The following MCM4 variants were observed in gnomAD, a reference collection of about 807,000 sequenced individuals.
MCM4 encodes the protein minichromosome maintenance complex component 4.
In MCM4, 60 loss-of-function variants were observed where a neutral mutation model predicts 88.7. The ratio of observed to expected loss-of-function variants is 0.68; its 90% CI spans 0.55 to 0.84. The LOEUF (loss-of-function observed/expected upper bound fraction) is 0.84. Ranked by LOEUF, MCM4 falls within the 40% of genes least tolerant of loss-of-function variation. The probability of loss-of-function intolerance (pLI) is 0.00; values close to 1 mark genes in which losing one functional copy is unlikely to be tolerated. For synonymous variants in MCM4, 465 were observed against 410.5 expected, an observed-to-expected ratio of 1.13 and a Z score of -1.61; for missense variants, 1,149 against 1,105.5, an observed-to-expected ratio of 1.04 and a Z score of -0.56.
In MCM4 at chr8:47,975,734, T is replaced by TG; in HGVS notation, c.2385_2386insG (p.Lys796GlufsTer8). ...AATCAGGGATGAGTGCCACCTCTCGTAAACGGAAAGAAGAATTAGCTGAAG... is the reference window on the plus strand; with the variant it reads ...AATCAGGGATGAGTGCCACCTCTCGTGAAACGGAAAGAAGAATTAGCTGAAG... On this transcript the variant is annotated frameshift_variant, in exon 16 of 17. Transcript: ENST00000649973. LOFTEE classifies it high-confidence loss of function. 6.3e-7 allele frequency: 1 copy of TG among 1,575,490 alleles called. No homozygotes were observed. The highest frequency in any genetic ancestry group is 8.6e-7 in the Non-Finnish European group (1 of 1,167,358).
chr8:47,970,914 A>C, intron 12 of MCM4, 38 bp downstream of exon 12: 1 of 1,546,492 alleles, frequency 6.5e-7, no homozygotes, highest in South Asian at 1.2e-5. Context: ...GGACGTGTTT[A>C]AAATATGTGG....
intron 4 of MCM4, 42 bp downstream of exon 4, chr8:47,962,258 A>G (rs2090850579): frequency 1.2e-6 from 2 of 1,613,156 alleles, no homozygotes; most frequent in African/African-American, 2.7e-5. Context: ...GGCGGGTATC[A>G]TGTGGGTAAC....
chr8:47,968,208 G>A lies in MCM4; in HGVS notation c.1174+723G>A, dbSNP rs567093446. ...CTTCATTGATGGGCAAGGTGGCGAC[G>A]GTCGCGGAGTGCCTGAATCTGCTCC... On this transcript the variant is annotated intron_variant, in intron 10 of 16. Transcript: ENST00000649973. Among the ~76,000 whole-genome samples, 15 of 152,244 alleles carry A rather than the reference G, an allele frequency of 9.9e-5. No individual in the cohort carries two copies. The South Asian group carries it at 1.7e-3, about 17-fold the overall frequency.
chr8:47,976,295 A>G (rs919380116), intron 16 of MCM4, among the ~76,000 whole-genome samples: 6 of 150,632 alleles, frequency 4.0e-5, no homozygotes, highest in Non-Finnish European at 7.4e-5. Context: ...TCCATCTCAA[A>G]AAAAAAAAAA....
chr8:47,961,699 T>C lies in MCM4; in HGVS notation c.235+19T>C. 6.3e-7 allele frequency: 1 copy of C among 1,591,448 alleles called. No individual in the cohort carries two copies. Among genetic ancestry groups the C allele is most frequent in the Non-Finnish European group, 8.6e-7 (1 of 1,167,484 alleles). On this transcript the variant is annotated intron_variant, in intron 3 of 16. Coordinates refer to ENST00000649973, the MANE Select transcript of MCM4 (RefSeq NM_182746.3). ...TCTTCAGGTGCGTGTCTGAAGATCT[T>C]GGTTTTGCTGTGCTTGATACACAGC...
chr8:47,977,915 G>A lies in MCM4; in HGVS notation c.*1137G>A, dbSNP rs1054056643. The A allele has an allele frequency of 6.6e-6, 1 of 152,152 alleles. No homozygotes were observed. Among genetic ancestry groups the A allele is most frequent in the African/African-American group, 2.4e-5 (1 of 41,442 alleles). 9.4% of individuals were successfully genotyped at this position (152,152 alleles called of 1,614,324 possible). ...ACATAAAACTTTTTCCTAAATAAAT[G>A]ATGGAAGGAATAATACTTGGTTACC... On this transcript the variant is annotated 3_prime_UTR_variant, in exon 17 of 17. Transcript: ENST00000649973.
chr8:47,960,989 C>T lies in MCM4; in HGVS notation c.-40C>T, dbSNP rs1179608691. ...AGGTGGACTCGGAGTCCGCGAGCGTCGTCGGCAAGCGGCCGCCTTTCCACG... is the reference window on the plus strand; with the variant it reads ...AGGTGGACTCGGAGTCCGCGAGCGTTGTCGGCAAGCGGCCGCCTTTCCACG... On this transcript the variant is annotated 5_prime_UTR_variant, in exon 1 of 17. Transcript: ENST00000649973. 8.3e-6 allele frequency: 6 copies of T among 719,438 alleles called. No homozygotes were observed. The highest frequency in any genetic ancestry group is 5.7e-5 in the African/African-American group (3 of 52,906). The allele number at this position is 719,438 out of a possible 1,614,324, so 44.6% of individuals were successfully genotyped here. A position where few individuals can be genotyped will look rare whatever the true frequency, so the allele number is the denominator to read the frequency against.
At chr8:47,961,106 G>A in intron 1 of MCM4, 25 bp from the exon 2 acceptor site, 1 of 1,527,530 alleles carries the variant, frequency 6.5e-7, no homozygotes, top group South Asian at 1.2e-5. Flanking sequence ...GGCGGGCCCG[G>A]CCCGAGCTTG....
chr8:47,965,727 T>C (rs1256161666), intron 8 of MCM4, among the ~76,000 whole-genome samples: 3 of 152,154 alleles, frequency 2.0e-5, no homozygotes, highest in Non-Finnish European at 4.4e-5. Context: ...CTTTAAAGTA[T>C]AGAGGACTTT....
Position 47,961,185 on chromosome 8 carries a change from G to T in MCM4, c.41G>T (p.Arg14Leu). The change falls in exon 2 of 17, where the codon CGG becomes CTG. Residue 14 changes from arginine (R) to leucine (L), a missense_variant. Physicochemically the swap from Arg to Leu is moderately radical, Grantham distance 102. Around this residue, in one of 3 missense-constraint regions of MCM4, gnomAD observed 906 missense variants for 843.0 expected, o/e 1.07. Transcript: ENST00000649973. ...PASTPSRRGS[R>L]RGRATPAQTP... ...TCGACCCCGAGCCGCCGCGGCAGCC[G>T]GCGTGGAAGGGCCACCCCCGCCCAG... 6.5e-7 allele frequency: 1 copy of T among 1,544,124 alleles called. No individual in the cohort carries two copies. Among genetic ancestry groups the T allele is most frequent in the East Asian group, 2.6e-5 (1 of 38,730 alleles).
At chr8:47,970,150 T>A (rs1436721965) in intron 11 of MCM4, 93 bp downstream of exon 11, 3 of 1,426,308 alleles carry the variant, frequency 2.1e-6, no homozygotes, top group Non-Finnish European at 2.9e-6. Flanking sequence ...CCATCCGCCA[T>A]AAAGGACAGA....
In MCM4 at chr8:47,974,958, T is replaced by C. The variant is rs1249668562; in HGVS notation, c.2361T>C (p.Thr787=). 1 of 1,606,618 alleles carries C rather than the reference T, an allele frequency of 6.2e-7. No homozygotes were observed. Among genetic ancestry groups the C allele is most frequent in the African/African-American group, 1.3e-5 (1 of 74,716 alleles). Residue 787 remains threonine (T), a synonymous_variant, in exon 15 of 17, where the codon ACT becomes ACC. Transcript: ENST00000649973. ...RTGIVDISIL[T]TGMSATSRKR... ...GCATCGTGGACATATCTATTCTTACTACGGGTTCGTTATTTTCAGTGAACA... is the reference window on the plus strand; with the variant it reads ...GCATCGTGGACATATCTATTCTTACCACGGGTTCGTTATTTTCAGTGAACA...
In MCM4 at chr8:47,970,518, T is replaced by G. The variant is rs1410815304; in HGVS notation, c.1442T>G (p.Leu481Trp). 1 of 1,596,372 alleles carries G rather than the reference T, an allele frequency of 6.3e-7. No homozygotes were observed. The highest frequency in any genetic ancestry group is 8.6e-7 in the Non-Finnish European group (1 of 1,167,132). Residue 481 changes from leucine (L) to tryptophan (W), a missense_variant, in exon 12 of 17, where the codon TTG becomes TGG. Physicochemically the swap from Leu to Trp is moderately conservative, Grantham distance 61 (BLOSUM62 -2). This residue lies in a region of MCM4 where 906 missense variants were observed against 843.0 expected (regional missense o/e 1.07). Transcript: ENST00000649973. Reference protein sequence around the residue: ...YEHEDIKKGILLQLFGGTRKD... With the variant: ...YEHEDIKKGIWLQLFGGTRKD... ...ATGTCTCTGATTATTTAGGGAATTTTGCTTCAGCTCTTTGGCGGGACAAGG... is the reference window on the plus strand; with the variant it reads ...ATGTCTCTGATTATTTAGGGAATTTGGCTTCAGCTCTTTGGCGGGACAAGG...
intron 10 of MCM4, among the ~76,000 whole-genome samples, chr8:47,967,780 A>G (rs536893112): frequency 6.6e-6 from 1 of 152,320 alleles, no homozygotes; most frequent in South Asian, 2.1e-4. Context: ...GTCTCAAGTC[A>G]GTACTGTTGG....
chr8:47,975,488 T>G (rs1390678741), intron 15 of MCM4: 3 of 328,806 alleles, frequency 9.1e-6, no homozygotes, highest in Non-Finnish European at 1.6e-5. Context: ...AGTTGTTTGT[T>G]TCTTAGCAGC....
chr8:47,961,946 A>G lies in MCM4; in HGVS notation c.236-107A>G, dbSNP rs1370428122. On this transcript the variant is annotated intron_variant, in intron 3 of 16. Coordinates refer to ENST00000649973, the MANE Select transcript of MCM4 (RefSeq NM_182746.3). ...AGAATCTCAGCCACCGCAGGTTGCA[A>G]TAAATATTCAGTTTGCTGTTGCGAT... The G allele has an allele frequency of 1.1e-5, 12 of 1,120,254 alleles. No homozygotes were observed. In the Admixed American group the frequency reaches 2.1e-4, roughly 19 times the overall value. The allele number at this position is 1,120,254 out of a possible 1,614,324, so 69.4% of individuals were successfully genotyped here.
rs1008828216 is a variant in MCM4, at chr8:47,961,267, C to G, written c.70+53C>G. ...AGCCCCCGGCGCCGCCCCGTCTGCC[C>G]TCTCGCCGCAGCTGGCAGCGCTGGG... On this transcript the variant is annotated intron_variant, in intron 2 of 16. Transcript: ENST00000649973. 8.4e-6 allele frequency: 12 copies of G among 1,435,688 alleles called. No homozygotes were observed. In the South Asian group the frequency reaches 1.1e-4, roughly 14 times the overall value. 88.9% of individuals were successfully genotyped at this position (1,435,688 alleles called of 1,614,324 possible). A position where few individuals can be genotyped will look rare whatever the true frequency, so the allele number is the denominator to read the frequency against.
At chr8:47,970,480 T>C (rs767834709) in intron 11 of MCM4, 31 bp from the exon 12 acceptor site, 1 of 1,562,840 alleles carries the variant, frequency 6.4e-7, no homozygotes, top group Non-Finnish European at 8.7e-7. Context: ...GTGCAGAAAA[T>C]GAATGTTTAG....
intron 12 of MCM4, 113 bp downstream of exon 12, chr8:47,970,989 A>T: frequency 7.8e-7 from 1 of 1,277,752 alleles, no homozygotes; most frequent in Non-Finnish European, 1.1e-6. Flanking sequence ...GGGGAGATTG[A>T]TAAGTGCTTT....
Sources: gnomAD v4.1 joint callset for allele counts (sites outside exome capture counted in the v4.1 genomes callset) on GRCh38, gnomAD v4.1.1 for gene constraint, gnomAD v4.1.1 regional missense constraint, MANE v1.5 for transcripts, NCBI Gene and HGNC (gene_info 2026-07-23, HGNC 2026-07-21) for gene names.